SCAPER: variants seen among roughly 807,000 people sequenced by gnomAD.
The protein encoded by SCAPER is S phase cyclin A-associated protein in the endoplasmic reticulum.
A neutral mutation model predicts 182.2 loss-of-function variants in SCAPER; 98 were observed. That is an observed-to-expected ratio of 0.54 (90% CI 0.46 to 0.64). SCAPER has a LOEUF of 0.64. Ranked by LOEUF, SCAPER falls within the 30% of genes least tolerant of loss-of-function variation. The probability of loss-of-function intolerance (pLI) is 0.00; values close to 1 mark genes in which losing one functional copy is unlikely to be tolerated. For synonymous variants in SCAPER, 605 were observed against 564.6 expected (o/e 1.07, Z -1.01); for missense variants, 1,432 against 1,690.0 (o/e 0.85, Z 2.68).
intron 25 of SCAPER, among the ~76,000 whole-genome samples, chr15:76,451,868 T>TA (rs1315022762): frequency 6.6e-6 from 1 of 152,194 alleles, no homozygotes; most frequent in Non-Finnish European, 1.5e-5. Context: ...GATGTAAGCT[T>TA]AAAGAGGGCA....
At chr15:76,692,696 G>GAAAAAAAAAAAAAA (rs71143354) in intron 20 of SCAPER, among the ~76,000 whole-genome samples, 1 of 98,778 alleles carries the variant, frequency 1.0e-5, no homozygotes, top group African/African-American at 3.9e-5. Flanking sequence ...TTCAAAAAAA[G>GAAAAAAAAAAAAAA]AAAAAAAAAA....
At chr15:76,672,624 C>T (rs1477285456) in intron 20 of SCAPER, among the ~76,000 whole-genome samples, 1 of 151,542 alleles carries the variant, frequency 6.6e-6, no homozygotes, top group Non-Finnish European at 1.5e-5. Flanking sequence ...ACAAATAATG[C>T]CTCAAAATGT....
Position 76,535,299 on chromosome 15 carries a change from G to A in SCAPER, c.2839-30325C>T, listed in dbSNP as rs1347137833. ...AGCACTTTGGGAGGCCGAGGCGGGC[G>A]GATCACAAGGTCAGGAGATCGAGAC... On this transcript the variant is annotated intron_variant, in intron 23 of 31. Coordinates refer to ENST00000563290, the MANE Select transcript of SCAPER (RefSeq NM_020843.4). Among the ~76,000 whole-genome samples the A allele has an allele frequency of 2.6e-5, 4 of 151,840 alleles. No individual in the cohort carries two copies. The East Asian group carries it at 7.8e-4, about 29-fold the overall frequency.
chr15:76,499,455 C>T (rs1214522271), intron 24 of SCAPER, among the ~76,000 whole-genome samples: 1 of 152,132 alleles, frequency 6.6e-6, no homozygotes, highest in Non-Finnish European at 1.5e-5. Context: ...TCTATAGAGT[C>T]CAGTATTTGA....
chr15:76,543,823 A>C (rs2045003347), intron 23 of SCAPER, among the ~76,000 whole-genome samples: 1 of 152,208 alleles, frequency 6.6e-6, no homozygotes, highest in African/African-American at 2.4e-5. Flanking sequence ...CAGCAAGCAA[A>C]ATGAAAAACA....
chr15:76,393,184 C>T (rs555054211), intron 27 of SCAPER, among the ~76,000 whole-genome samples: 17 of 152,208 alleles, frequency 1.1e-4, no homozygotes, highest in Non-Finnish European at 1.6e-4. Flanking sequence ...CTGTATTCTT[C>T]CCATTCTCTA....
intron 26 of SCAPER, among the ~76,000 whole-genome samples, chr15:76,432,124 C>G (rs1247211846): frequency 6.6e-6 from 1 of 152,226 alleles, no homozygotes; most frequent in East Asian, 1.9e-4. Context: ...GGATGACAAG[C>G]ATGCAGGGTT....
intron 2 of SCAPER, among the ~76,000 whole-genome samples, chr15:76,864,569 C>T (rs1410354193): frequency 6.6e-6 from 1 of 151,848 alleles, no homozygotes; most frequent in Non-Finnish European, 1.5e-5. Context: ...GAAGAAAAAG[C>T]AATACATTAT....
At chr15:76,826,166 T>C (rs1156734247) in intron 5 of SCAPER, among the ~76,000 whole-genome samples, 1 of 152,158 alleles carries the variant, frequency 6.6e-6, no homozygotes, top group South Asian at 2.1e-4. Context: ...CCAACCCAAA[T>C]GTCCAACAAT....
chr15:76,771,672 T>C (rs543511612), intron 10 of SCAPER, 70 bp downstream of exon 10: 4 of 1,044,630 alleles, frequency 3.8e-6, no homozygotes, highest in African/African-American at 3.2e-5. Context: ...GTTATTATTA[T>C]TGGGGTTTAT....
chr15:76,667,387 T>C (rs2056659032), intron 20 of SCAPER, among the ~76,000 whole-genome samples: 1 of 152,156 alleles, frequency 6.6e-6, no homozygotes, highest in South Asian at 2.1e-4. Context: ...CCCAGAGCTA[T>C]ACTCAGAGCT....
intron 4 of SCAPER, among the ~76,000 whole-genome samples, chr15:76,845,354 C>A (rs539234298): frequency 2.0e-5 from 3 of 151,950 alleles, no homozygotes; most frequent in Admixed American, 6.6e-5. Context: ...CAAAACAGTA[C>A]GTACTGGAAG....
At chr15:76,775,439 T>C (rs2063692900) in intron 8 of SCAPER, among the ~76,000 whole-genome samples, 1 of 152,152 alleles carries the variant, frequency 6.6e-6, no homozygotes, top group East Asian at 1.9e-4. Context: ...CTTTTAATCT[T>C]CACAATAATC....
At chr15:76,729,114 T>C (rs1003734724) in intron 16 of SCAPER, among the ~76,000 whole-genome samples, 3 of 152,056 alleles carry the variant, frequency 2.0e-5, no homozygotes, top group Non-Finnish European at 4.4e-5. Flanking sequence ...TGCTGGATGC[T>C]TCCTGCCCTC....
chr15:76,577,540 C>T (rs189524237), intron 22 of SCAPER, among the ~76,000 whole-genome samples: 60 of 152,278 alleles, frequency 3.9e-4, no homozygotes, highest in Non-Finnish European at 6.8e-4. Context: ...TGGGCAGAAT[C>T]CTGAGGCTCC....
chr15:76,682,238 C>T (rs1471271803), intron 20 of SCAPER, among the ~76,000 whole-genome samples: 2 of 151,800 alleles, frequency 1.3e-5, no homozygotes, highest in Non-Finnish European at 2.9e-5. Flanking sequence ...TGACAGTGCA[C>T]TCACATGGAC....
intron 23 of SCAPER, among the ~76,000 whole-genome samples, chr15:76,516,420 G>T (rs999585650): frequency 2.1e-5 from 3 of 141,454 alleles, no homozygotes; most frequent in African/African-American, 8.0e-5. Context: ...TCCTCCCTGT[G>T]TTCTCATTGT....
rs145050180 is a variant in SCAPER at position 76,497,863 on chromosome 15, C to T, written c.2954+6996G>A. Reference sequence around the variant, plus strand: ...AAAATTAGCTGGGTGTGGTGGCACACACCTGTAATCCCAGCTACTCGGGAG... The same window carrying T: ...AAAATTAGCTGGGTGTGGTGGCACATACCTGTAATCCCAGCTACTCGGGAG... On this transcript the variant is annotated intron_variant, in intron 24 of 31. Coordinates refer to ENST00000563290, the MANE Select transcript of SCAPER (RefSeq NM_020843.4). Among the ~76,000 whole-genome samples, 16 of 151,798 alleles carry T rather than the reference C, an allele frequency of 1.1e-4. No individual in the cohort carries two copies. The East Asian group carries it at 3.1e-3, about 30-fold the overall frequency.
intron 22 of SCAPER, among the ~76,000 whole-genome samples, chr15:76,606,659 T>A (rs1463233302): frequency 6.6e-6 from 1 of 151,644 alleles, no homozygotes; most frequent in Non-Finnish European, 1.5e-5. Context: ...CTAAGTCTCT[T>A]TGTAGGTCTC....
Sources: allele counts gnomAD v4.1 joint callset (sites outside exome capture counted in the v4.1 genomes callset), GRCh38; gene constraint gnomAD v4.1.1; transcripts MANE v1.5; gene names NCBI Gene and HGNC (gene_info 2026-07-23, HGNC 2026-07-21).